Variants in SLC7A4 observed in about 807,000 individuals in gnomAD.
The protein encoded by SLC7A4 is solute carrier family 7 member 4.
A neutral mutation model predicts 37.8 loss-of-function variants in SLC7A4; 30 were observed. The ratio of observed to expected loss-of-function variants is 0.79; its 90% CI spans 0.59 to 1.08. The LOEUF is 1.08. Among genes scored for constraint, SLC7A4 ranks in the 50% least tolerant of loss-of-function variants. The probability of loss-of-function intolerance (pLI) is 0.00; values close to 1 mark genes in which losing one functional copy is unlikely to be tolerated. For missense variants in SLC7A4, 839 were observed against 843.2 expected (o/e 1.00, Z 0.06); for synonymous variants, 359 against 376.5 (o/e 0.95, Z 0.54).
Position 21,031,793 on chromosome 22 carries a change from G to C in SLC7A4, c.20C>G (p.Thr7Ser). 6.6e-7 allele frequency: 1 copy of C among 1,516,110 alleles called. No individual in the cohort carries two copies. The highest frequency in any genetic ancestry group is 8.8e-7 in the Non-Finnish European group (1 of 1,135,774). The allele number at this position is 1,516,110 out of a possible 1,614,324, so 93.9% of individuals were successfully genotyped here. ...GCATAAGCGTGCCAGGCTAGCAATG[G>C]TGGGCAGCCCCCGGGCCATGGCAGG... MARGLP[T>S]IASLARLCQK... Residue 7 changes from threonine (T) to serine (S), a missense_variant, in exon 2 of 5, where the codon ACC becomes AGC. Physicochemically the swap from Thr to Ser is moderately conservative, Grantham distance 58 (BLOSUM62 1). Transcript: ENST00000382932.
At chr22:21,030,394 C>T in intron 2 of SLC7A4, 43 bp from the exon 3 acceptor site, 1 of 1,550,960 alleles carries the variant, frequency 6.4e-7, no homozygotes, top group Non-Finnish European at 8.7e-7. Flanking sequence ...GCGGAGAAGC[C>T]CACCAGGGGC....
intron 1 of SLC7A4, 50 bp from the exon 2 acceptor site, chr22:21,031,902 G>T: frequency 7.5e-7 from 1 of 1,338,884 alleles, no homozygotes; most frequent in Non-Finnish European, 9.7e-7. Flanking sequence ...GGCCTGACCA[G>T]CCTTCCATCC....
Position 21,029,360 on chromosome 22 carries a change from G to T in SLC7A4, c.1708C>A (p.Arg570Ser), listed in dbSNP as rs145135236. ...CCCATCAGCAGCCAGATGGAGAAGCGCACCCAGGTCAGATAGCTAAGTTTC... is the reference window on the plus strand; with the variant it reads ...CCCATCAGCAGCCAGATGGAGAAGCTCACCCAGGTCAGATAGCTAAGTTTC... ...MLKLSYLTWV[R>S]FSIWLLMGLA... Residue 570 changes from arginine (R) to serine (S), a missense_variant, in exon 4 of 5, where the codon CGC (arginine) becomes AGC (serine). Transcript: ENST00000382932. The T allele has an allele frequency of 1.7e-5, 28 of 1,613,518 alleles. No individual in the cohort carries two copies. Among genetic ancestry groups the T allele is most frequent in the Non-Finnish European group, 8.5e-7 (1 of 1,179,836 alleles).
rs760115206 is a variant in SLC7A4 at position 21,030,978 on chromosome 22, C to T, written c.835G>A (p.Ala279Thr). Residue 279 changes from alanine (A) to threonine (T), a missense_variant, in exon 2 of 5, where the codon GCA becomes ACA. Physicochemically the swap from Ala to Thr is moderately conservative, Grantham distance 58. Transcript: ENST00000382932. Reference protein sequence around the residue: ...PLAIAISLAIAAGAYILVSTV... With the variant: ...PLAIAISLAITAGAYILVSTV... Reference sequence around the variant, plus strand: ...GAGACAAGGATGTAGGCACCAGCTGCAATGGCAAGCGAGATGGCGATGGCC... The same window carrying T: ...GAGACAAGGATGTAGGCACCAGCTGTAATGGCAAGCGAGATGGCGATGGCC... The T allele has an allele frequency of 2.7e-5, 43 of 1,614,016 alleles. No homozygotes were observed. Among genetic ancestry groups the T allele is most frequent in the Non-Finnish European group, 3.6e-5 (43 of 1,179,976 alleles).
In SLC7A4 at chr22:21,031,105, G is replaced by A; in HGVS notation, c.708C>T (p.Gly236=). The change falls in exon 2 of 5, where the codon GGC becomes GGT. Residue 236 remains glycine, a synonymous_variant. Transcript: ENST00000382932. ...EGGFAPFGFS[G]VMAGTASCFY... is the part of the protein sequence containing the mutation. The stretch of plus-strand genomic sequence containing the variant: ...AGCAGGAGGCAGTGCCGGCCATGAC[G>A]CCGGAGAAGCCGAAGGGTGCAAAGC... 4.3e-6 allele frequency: 7 copies of A among 1,613,912 alleles called. No homozygotes were observed. The highest frequency in any genetic ancestry group is 5.1e-6 in the Non-Finnish European group (6 of 1,179,956).
At position 21,029,179 on chromosome 22, in the gene SLC7A4, C is replaced by T. The variant is rs774279583; in HGVS notation, c.1784G>A (p.Arg595Gln). The T allele has an allele frequency of 8.1e-5, 130 of 1,613,908 alleles. No homozygotes were observed. The highest frequency in any genetic ancestry group is 1.0e-4 in the Non-Finnish European group (122 of 1,180,034). ...YGIRHSKENQ[R>Q]ELPGLNSTHY... ...TGTGGAGTTCAGCCCTGGCAGCTCCCGCTGGTTCTCCTTGCTATGCCGGAT... is the reference window on the plus strand; with the variant it reads ...TGTGGAGTTCAGCCCTGGCAGCTCCTGCTGGTTCTCCTTGCTATGCCGGAT... The change falls in exon 5 of 5, where the codon CGG (arginine) becomes CAG (glutamine). Residue 595 changes from arginine to glutamine, a missense_variant. By Grantham distance (43) the Arg-to-Gln change is conservative. Transcript: ENST00000382932.
chr22:21,028,893 G>T lies in SLC7A4; in HGVS notation c.*162C>A. ...AGCCAAGGCCCACTCCTGAAGACCCGAAGCCCAGCCCCTGGATGAAGGTCC... is the reference window on the plus strand; with the variant it reads ...AGCCAAGGCCCACTCCTGAAGACCCTAAGCCCAGCCCCTGGATGAAGGTCC... On this transcript the variant is annotated 3_prime_UTR_variant, in exon 5 of 5. Transcript: ENST00000382932. 1 of 676,886 alleles carries T rather than the reference G, an allele frequency of 1.5e-6. No homozygotes were observed. The highest frequency in any genetic ancestry group is 2.4e-6 in the Non-Finnish European group (1 of 414,982). 41.9% of individuals were successfully genotyped at this position (676,886 alleles called of 1,614,324 possible).
In SLC7A4 at chr22:21,031,490, A is replaced by T. The variant is rs1172442061; in HGVS notation, c.323T>A (p.Val108Glu). The change falls in exon 2 of 5, where the codon GTA becomes GAA. Residue 108 changes from valine (V) to glutamate (E), a missense_variant. By Grantham distance (121) the Val-to-Glu change is moderately radical. Coordinates refer to ENST00000382932, the MANE Select transcript of SLC7A4 (RefSeq NM_004173.3). ...GAAGGCCCACAGCTCGCCCATGGAT[A>T]CGTAGGTGAACAGGTAGGCAGAGCC... ...RTGSAYLFTY[V>E]SMGELWAFLI... The T allele has an allele frequency of 4.3e-6, 7 of 1,609,530 alleles. No homozygotes were observed. Among genetic ancestry groups the T allele is most frequent in the Non-Finnish European group, 5.9e-6 (7 of 1,178,082 alleles).
chr22:21,029,621 C>G, intron 3 of SLC7A4, 90 bp downstream of exon 3: 1 of 1,415,382 alleles, frequency 7.1e-7, no homozygotes, highest in Non-Finnish European at 9.8e-7. Context: ...TCCCCAGCCC[C>G]GTGAGACTTG....
intron 2 of SLC7A4, 51 bp from the exon 3 acceptor site, chr22:21,030,402 G>A: frequency 6.5e-7 from 1 of 1,545,012 alleles, no homozygotes. Flanking sequence ...GCCCACCAGG[G>A]GCCTCTGCTG....
intron 3 of SLC7A4, 46 bp downstream of exon 3, chr22:21,029,665 C>T: frequency 1.3e-6 from 2 of 1,570,118 alleles, no homozygotes; most frequent in Non-Finnish European, 1.7e-6. Flanking sequence ...GAAGGGGAGG[C>T]AGCTGCCTGG....
At chr22:21,029,578 T>C (rs1349144508) in intron 3 of SLC7A4, 133 bp downstream of exon 3, 7 of 1,143,090 alleles carry the variant, frequency 6.1e-6, no homozygotes, top group African/African-American at 3.0e-5. Context: ...TCACTCACCA[T>C]GCAGAAAGGG....
rs145135236 is a variant in SLC7A4, at chr22:21,029,360, G to A, written c.1708C>T (p.Arg570Cys). The part of the protein sequence containing the change: ...MLKLSYLTWV[R>C]FSIWLLMGLA... Reference sequence around the variant, plus strand: ...CCCATCAGCAGCCAGATGGAGAAGCGCACCCAGGTCAGATAGCTAAGTTTC... The same window carrying A: ...CCCATCAGCAGCCAGATGGAGAAGCACACCCAGGTCAGATAGCTAAGTTTC... Residue 570 changes from arginine to cysteine, a missense_variant, in exon 4 of 5, where the codon CGC becomes TGC. Physicochemically the swap from Arg to Cys is radical, Grantham distance 180. Coordinates refer to ENST00000382932, the MANE Select transcript of SLC7A4 (RefSeq NM_004173.3). 3.5e-4 allele frequency: 571 copies of A among 1,613,636 alleles called. No individual in the cohort carries two copies. Among genetic ancestry groups the A allele is most frequent in the African/African-American group, 6.3e-4 (47 of 75,026 alleles).
chr22:21,030,144 C>A lies in SLC7A4; in HGVS notation c.1190G>T (p.Gly397Val). 6.2e-7 allele frequency: 1 copy of A among 1,613,858 alleles called. No individual in the cohort carries two copies. Among genetic ancestry groups the A allele is most frequent in the Non-Finnish European group, 8.5e-7 (1 of 1,179,968 alleles). ...LESLVQFLSL[G>V]TLLAYTFVAT... ...CACGAATGTGTAGGCCAGGAGTGTG[C>A]CAAGGGACAGGAACTGAACCAGCGA... Residue 397 changes from glycine (G) to valine (V), a missense_variant, in exon 3 of 5, where the codon GGC (glycine) becomes GTC (valine). Transcript: ENST00000382932.
In SLC7A4 at chr22:21,028,920, A is replaced by G; in HGVS notation, c.*135T>C. On this transcript the variant is annotated 3_prime_UTR_variant, in exon 5 of 5. Coordinates refer to ENST00000382932, the MANE Select transcript of SLC7A4 (RefSeq NM_004173.3). ...AGCCCAGCCCCTGGATGAAGGTCCT[A>G]AGGTCCTGAGGACTCCCCAGCCTGT... The G allele has an allele frequency of 1.2e-6, 1 of 868,124 alleles. No individual in the cohort carries two copies. Among genetic ancestry groups the G allele is most frequent in the African/African-American group, 1.7e-5 (1 of 58,978 alleles). The allele number at this position is 868,124 out of a possible 1,614,324, so 53.8% of individuals were successfully genotyped here.
Position 21,030,304 on chromosome 22 carries a change from C to A in SLC7A4, c.1030G>T (p.Val344Phe). 2 of 1,612,476 alleles carry A rather than the reference C, an allele frequency of 1.2e-6. No individual in the cohort carries two copies. Among genetic ancestry groups the A allele is most frequent in the Non-Finnish European group, 1.7e-6 (2 of 1,179,142 alleles). ...LSLLFSLPRI[V>F]YAMAADGLFF... ...AGCCCATCGGCGGCCATGGCATAGA[C>A]AATGCGTGGCAGGGAGAAGAGGAGG... The change falls in exon 3 of 5, where the codon GTC (valine) becomes TTC (phenylalanine). Residue 344 changes from valine (V) to phenylalanine (F), a missense_variant. Physicochemically the swap from Val to Phe is conservative, Grantham distance 50. Transcript: ENST00000382932.
intron 2 of SLC7A4, 102 bp from the exon 3 acceptor site, chr22:21,030,453 A>C (rs1928849348): frequency 6.7e-6 from 8 of 1,192,166 alleles, no homozygotes; most frequent in East Asian, 2.4e-5. Flanking sequence ...CAAGGGCATG[A>C]GCTTGTCTGG....
In SLC7A4 at chr22:21,031,629, C is replaced by T. The variant is rs148955291; in HGVS notation, c.184G>A (p.Val62Met). The change falls in exon 2 of 5, where the codon GTG (valine) becomes ATG (methionine). Residue 62 changes from valine to methionine, a missense_variant. Coordinates refer to ENST00000382932, the MANE Select transcript of SLC7A4 (RefSeq NM_004173.3). ...GSGLYVLTGAVAKEVAGPAVL... is the reference protein window; with the variant it reads ...GSGLYVLTGAMAKEVAGPAVL... Reference sequence around the variant, plus strand: ...GCAGGGCCAGCCACCTCCTTGGCCACGGCACCTGTGAGCACGTAGAGACCC... The same window carrying T: ...GCAGGGCCAGCCACCTCCTTGGCCATGGCACCTGTGAGCACGTAGAGACCC... The T allele has an allele frequency of 4.5e-3, 7,214 of 1,609,212 alleles. 21 individuals carry two copies. The highest frequency in any genetic ancestry group is 5.4e-3 in the Non-Finnish European group (6,351 of 1,177,844).
In SLC7A4 at chr22:21,029,919, T is replaced by C. The variant is rs1928825120; in HGVS notation, c.1415A>G (p.Tyr472Cys). Residue 472 changes from tyrosine to cysteine, a missense_variant, in exon 3 of 5, where the codon TAC becomes TGC. Tyr to Cys is a radical substitution (Grantham distance 194). Transcript: ENST00000382932. ...LRPYLGFLDGYSPGAVVTWAL... is the reference protein window; with the variant it reads ...LRPYLGFLDGCSPGAVVTWAL... Reference sequence around the variant, plus strand: ...CCAAGTCACCACTGCTCCAGGGCTGTACCCATCCAAGAAGCCCAGGTAGGG... The same window carrying C: ...CCAAGTCACCACTGCTCCAGGGCTGCACCCATCCAAGAAGCCCAGGTAGGG... 8 of 1,613,658 alleles carry C rather than the reference T, an allele frequency of 5.0e-6. No individual in the cohort carries two copies. The East Asian group carries it at 1.8e-4, about 36-fold the overall frequency.
Sources: gnomAD v4.1 joint callset for allele counts on GRCh38, gnomAD v4.1.1 for gene constraint, MANE v1.5 for transcripts, NCBI Gene and HGNC (gene_info 2026-07-23, HGNC 2026-07-21) for gene names.